SYNE1: variants seen among roughly 807,000 people sequenced by gnomAD.
SYNE1 encodes the protein nesprin-1.
In SYNE1, 616 loss-of-function variants were observed where a neutral mutation model predicts 1,111.0. That is an observed-to-expected ratio of 0.55 (90% CI 0.52 to 0.59). SYNE1 has a LOEUF of 0.59. Ranked by LOEUF, SYNE1 falls within the 20% of genes least tolerant of loss-of-function variation. The pLI is 0.00. For synonymous variants in SYNE1, 3,855 were observed against 3,825.8 expected, an observed-to-expected ratio of 1.01 and a Z score of -0.28; for missense variants, 10,006 against 10,417.0, an observed-to-expected ratio of 0.96 and a Z score of 1.72.
chr6:152,438,128 T>A (rs2098491725), intron 32 of SYNE1, among the ~76,000 whole-genome samples: 1 of 152,180 alleles, frequency 6.6e-6, no homozygotes, highest in South Asian at 2.1e-4. Context: ...TACACTAAAA[T>A]ATGGTAGTTG....
intron 107 of SYNE1, among the ~76,000 whole-genome samples, chr6:152,241,460 G>A (rs1316864969): frequency 6.7e-6 from 1 of 150,158 alleles, no homozygotes; most frequent in African/African-American, 2.5e-5. Flanking sequence ...TTTCTGGACT[G>A]GCAAAATTGC....
chr6:152,457,588 A>G (rs2098704024), intron 22 of SYNE1, among the ~76,000 whole-genome samples: 1 of 152,224 alleles, frequency 6.6e-6, no homozygotes, highest in Non-Finnish European at 1.5e-5. Context: ...ATCACATCAA[A>G]CACATTTCCA....
At chr6:152,295,287 T>A (rs1252381657) in intron 93 of SYNE1, among the ~76,000 whole-genome samples, 2 of 152,224 alleles carry the variant, frequency 1.3e-5, no homozygotes, top group African/African-American at 4.8e-5. Context: ...GGTCTCCAGA[T>A]GAGTCCCCAA....
chr6:152,174,251 T>C (rs2813500), intron 130 of SYNE1, among the ~76,000 whole-genome samples: 25,530 of 152,174 alleles, frequency 0.17, 3,574 homozygotes, highest in African/African-American at 0.37. Context: ...AGAAGGATAT[T>C]TATAGCTTGA....
intron 145 of SYNE1, chr6:152,125,160 T>C (rs1271264300): frequency 7.3e-6 from 10 of 1,367,922 alleles, no homozygotes; most frequent in Non-Finnish European, 8.9e-6. Context: ...TAGCAGGGAC[T>C]CAGGCTTCCA....
intron 104 of SYNE1, among the ~76,000 whole-genome samples, chr6:152,252,041 A>T (rs1216250232): frequency 6.6e-6 from 1 of 152,170 alleles, no homozygotes; most frequent in Non-Finnish European, 1.5e-5. Context: ...AGGTGGAGGC[A>T]GGCAGATGAC....
chr6:152,190,153 C>T (rs1320721816), intron 127 of SYNE1, among the ~76,000 whole-genome samples: 1 of 152,110 alleles, frequency 6.6e-6, no homozygotes, highest in African/African-American at 2.4e-5. Context: ...CTAAACATGC[C>T]CAATCTTGTC....
In SYNE1 at chr6:152,483,095, T is replaced by C. The variant is rs767134521; in HGVS notation, c.1340A>G (p.Glu447Gly). Residue 447 changes from glutamate (E) to glycine (G), a missense_variant, in exon 14 of 146, where the codon GAG becomes GGG. Around this residue, in one of 7 missense-constraint regions of SYNE1, gnomAD observed 1,971 missense variants for 2,084.1 expected, o/e 0.95. Coordinates refer to ENST00000367255, the MANE Select transcript of SYNE1 (RefSeq NM_182961.4). Reference protein sequence around the residue: ...ETANTIQRKLEQHKDLLQNTD... With the variant: ...ETANTIQRKLGQHKDLLQNTD... ...AACCAGAATTTTTACCTTATGTTGC[T>C]CAAGTTTCCGTTGTATCGTGTTTGC... 5 of 1,614,224 alleles carry C rather than the reference T, an allele frequency of 3.1e-6. No individual in the cohort carries two copies. Among genetic ancestry groups the C allele is most frequent in the Non-Finnish European group, 4.2e-6 (5 of 1,180,028 alleles).
In SYNE1 at chr6:152,455,407, C is replaced by T; in HGVS notation, c.2892+19G>A. 1 of 1,611,454 alleles carries T rather than the reference C, an allele frequency of 6.2e-7. No homozygotes were observed. The highest frequency in any genetic ancestry group is 8.5e-7 in the Non-Finnish European group (1 of 1,178,632). ...TGTCCATGTATTCAGGTCAAGTGTCCCCTAAAGGGTGGACTCACAGTGTGT... is the reference window on the plus strand; with the variant it reads ...TGTCCATGTATTCAGGTCAAGTGTCTCCTAAAGGGTGGACTCACAGTGTGT... On this transcript the variant is annotated intron_variant, in intron 24 of 145. Transcript: ENST00000367255.
intron 63 of SYNE1, chr6:152,363,612 C>T (rs1280648651): frequency 4.0e-6 from 1 of 251,060 alleles, no homozygotes; most frequent in Non-Finnish European, 8.3e-6. Context: ...CCTTTTGTAG[C>T]AGACACTGTA....
intron 4 of SYNE1, among the ~76,000 whole-genome samples, chr6:152,536,663 C>CA (rs1314979275): frequency 6.6e-6 from 1 of 151,174 alleles, no homozygotes; most frequent in Non-Finnish European, 1.5e-5. Flanking sequence ...GCTTTCCCCC[C>CA]AAGCCTCTTG....
In SYNE1 at chr6:152,359,416, T is replaced by C; in HGVS notation, c.10342A>G (p.Thr3448Ala). ...ATGCCAGCCCCTTTGACTTCGATGG[T>C]CTCCAGCAAGCTGCTGTAACTCAGC... Reference protein sequence around the residue: ...EVLSYSSLLETIEVKGAGMTE... With the variant: ...EVLSYSSLLEAIEVKGAGMTE... Residue 3448 changes from threonine (T) to alanine (A), a missense_variant, in exon 65 of 146, where the codon ACC becomes GCC. By Grantham distance (58) the Thr-to-Ala change is moderately conservative (BLOSUM62 0). Around this residue, in one of 7 missense-constraint regions of SYNE1, gnomAD observed 4,955 missense variants for 5,017.2 expected, o/e 0.99. Transcript: ENST00000367255. 2 of 1,614,178 alleles carry C rather than the reference T, an allele frequency of 1.2e-6. No individual in the cohort carries two copies. Among genetic ancestry groups the C allele is most frequent in the Non-Finnish European group, 1.7e-6 (2 of 1,180,040 alleles).
intron 61 of SYNE1, 118 bp from the exon 62 acceptor site, chr6:152,367,500 G>A: frequency 8.9e-7 from 1 of 1,122,108 alleles, no homozygotes; most frequent in Non-Finnish European, 1.3e-6. Context: ...ACAGATACGA[G>A]GCAAGTCTGG....
In SYNE1 at chr6:152,300,777, G is replaced by A. The variant is rs1335447701; in HGVS notation, c.17546C>T (p.Thr5849Ile). The stretch of plus-strand genomic sequence containing the variant: ...CAGCAAAGTGTGACAGCGACCTGCA[G>A]TCATCTGCCACGTAAAATGTAGCCC... ...PSAHPSVVMM[T>I]AGRCHTLLSP... The change falls in exon 93 of 146, where the codon ACT becomes ATT. Residue 5849 changes from threonine to isoleucine, a missense_variant. Physicochemically the swap from Thr to Ile is moderately conservative, Grantham distance 89 (BLOSUM62 -1). This residue lies in a region of SYNE1 where 4,955 missense variants were observed against 5,017.2 expected (regional missense o/e 0.99). Transcript: ENST00000367255. The A allele has an allele frequency of 6.2e-7, 1 of 1,614,192 alleles. No individual in the cohort carries two copies. Among genetic ancestry groups the A allele is most frequent in the Non-Finnish European group, 8.5e-7 (1 of 1,180,034 alleles).
chr6:152,458,934 TA>T lies in SYNE1; in HGVS notation c.2395-5del, dbSNP rs759249587. ...GTGGGGAGTAACATTCTTTGACCTTTAAAAACATAAAGACAAAAATTCCATG... is the reference window on the plus strand; with the variant it reads ...GTGGGGAGTAACATTCTTTGACCTTTAAAACATAAAGACAAAAATTCCATG... On this transcript the variant is annotated splice_region_variant and splice_polypyrimidine_tract_variant and intron_variant, in intron 21 of 145. Transcript: ENST00000367255. 2 of 1,613,802 alleles carry T rather than the reference TA, an allele frequency of 1.2e-6. No homozygotes were observed. Among genetic ancestry groups the T allele is most frequent in the South Asian group, 2.2e-5 (2 of 91,072 alleles).
chr6:152,166,338 C>T (rs527254583), intron 130 of SYNE1, among the ~76,000 whole-genome samples: 1 of 152,214 alleles, frequency 6.6e-6, no homozygotes, highest in East Asian at 1.9e-4. Flanking sequence ...ATATTCTAAG[C>T]GAATTGTGTT....
intron 4 of SYNE1, among the ~76,000 whole-genome samples, chr6:152,533,150 CTG>C (rs968890572): frequency 6.6e-6 from 1 of 152,042 alleles, no homozygotes; most frequent in Non-Finnish European, 1.5e-5. Context: ...AATTTAAAAA[CTG>C]TATGTGTAAT....
intron 98 of SYNE1, among the ~76,000 whole-genome samples, chr6:152,272,930 T>C (rs2093316594): frequency 6.6e-6 from 1 of 152,234 alleles, no homozygotes; most frequent in Admixed American, 6.5e-5. Flanking sequence ...CATGATCCTT[T>C]TCATGGCAAT....
At chr6:152,287,422 TA>T (rs1447548192) in intron 95 of SYNE1, among the ~76,000 whole-genome samples, 1 of 152,248 alleles carries the variant, frequency 6.6e-6, no homozygotes, top group Non-Finnish European at 1.5e-5. Flanking sequence ...TGTAGCTTTA[TA>T]AATCTCCCTA....
Sources: allele counts gnomAD v4.1 joint callset (sites outside exome capture counted in the v4.1 genomes callset), GRCh38; gene constraint gnomAD v4.1.1; regional missense constraint gnomAD v4.1.1; transcripts MANE v1.5; gene names NCBI Gene and HGNC (gene_info 2026-07-23, HGNC 2026-07-21).